Variants in HTT observed in about 807,000 individuals in gnomAD.
HTT encodes the protein huntingtin.
Under a neutral mutation model 362.3 loss-of-function variants are expected in HTT, and 104 were observed. The observed-to-expected ratio is 0.29, with a 90% CI of 0.24 to 0.34. The LOEUF (loss-of-function observed/expected upper bound fraction) is 0.34, where lower values mean the gene tolerates loss of function less well. HTT is among the 10% of genes least tolerant of loss of function. The pLI, the probability that HTT is intolerant of heterozygous loss-of-function variation, is 1.00. For synonymous variants in HTT, 1,577 were observed against 1,548.7 expected, an observed-to-expected ratio of 1.02 and a Z score of -0.43; for missense variants, 3,301 against 3,928.6, an observed-to-expected ratio of 0.84 and a Z score of 4.27.
intron 60 of HTT, among the ~76,000 whole-genome samples, chr4:3,232,447 C>T (rs1180616455): frequency 6.6e-6 from 1 of 152,182 alleles, no homozygotes; most frequent in Non-Finnish European, 1.5e-5. Context: ...TGTTAAAGAG[C>T]AGATTGAAAG....
Position 3,142,766 on chromosome 4 carries a change from A to G in HTT, c.2946A>G (p.Arg982=). 2 of 1,460,368 alleles carry G rather than the reference A, an allele frequency of 1.4e-6. No homozygotes were observed. The highest frequency in any genetic ancestry group is 1.9e-6 in the Non-Finnish European group (2 of 1,043,364). The allele number at this position is 1,460,368 out of a possible 1,614,324, so 90.5% of individuals were successfully genotyped here. The part of the protein sequence containing the change: ...PSHFSVSTIT[R]IYRGYNLLPS... Reference sequence around the variant, plus strand: ...TAAGTCTCTATATTTTTGTTATTAGAATATATAGAGGCTATAACCTACTAC... The same window carrying G: ...TAAGTCTCTATATTTTTGTTATTAGGATATATAGAGGCTATAACCTACTAC... The change falls in exon 23 of 67, where the codon AGA becomes AGG. Residue 982 remains arginine (R), a splice_region_variant and synonymous_variant. Coordinates refer to ENST00000355072, the MANE Select transcript of HTT (RefSeq NM_001388492.1).
intron 8 of HTT, among the ~76,000 whole-genome samples, 154 bp downstream of exon 8, chr4:3,116,417 T>C (rs1715031436): frequency 1.3e-5 from 2 of 152,196 alleles, no homozygotes; most frequent in African/African-American, 4.8e-5. Context: ...GACCTCTAGC[T>C]GTCTTCCCTC....
intron 21 of HTT, among the ~76,000 whole-genome samples, chr4:3,138,253 C>T (rs1347990500): frequency 2.0e-5 from 3 of 150,922 alleles, no homozygotes; most frequent in African/African-American, 7.4e-5. Flanking sequence ...TTTTAAATTT[C>T]AATGGTTTTT....
At chr4:3,092,945 G>A (rs1393179754) in intron 2 of HTT, among the ~76,000 whole-genome samples, 1 of 152,188 alleles carries the variant, frequency 6.6e-6, no homozygotes, top group Non-Finnish European at 1.5e-5. Flanking sequence ...GCCTGGTCAT[G>A]GCAAGAGGAA....
At position 3,086,983 on chromosome 4, in the gene HTT, G is replaced by T; in HGVS notation, c.308G>T (p.Cys103Phe). The T allele has an allele frequency of 6.2e-7, 1 of 1,608,672 alleles. No homozygotes were observed. Residue 103 changes from cysteine (C) to phenylalanine (F), a missense_variant, in exon 2 of 67, where the codon TGT becomes TTT. Physicochemically the swap from Cys to Phe is radical, Grantham distance 205. Around this residue, in one of 4 missense-constraint regions of HTT, gnomAD observed 2,316 missense variants for 2,658.5 expected, o/e 0.87. Transcript: ENST00000355072. ...SATKKDRVNH[C>F]LTICENIVAQ... ...ACCAAGAAAGACCGTGTGAATCATT[G>T]TCTGACAATATGTGAAAACATAGTG...
chr4:3,197,919 CA>C (rs1219944438), intron 40 of HTT, among the ~76,000 whole-genome samples: 14 of 152,220 alleles, frequency 9.2e-5, no homozygotes, highest in Admixed American at 9.2e-4. Flanking sequence ...CCTCTTCACT[CA>C]GGGGGCCCAT....
chr4:3,121,126 A>G (rs1715276742), intron 8 of HTT, 102 bp from the exon 9 acceptor site: 2 of 734,562 alleles, frequency 2.7e-6, no homozygotes, highest in Non-Finnish European at 4.6e-6. Context: ...AAGTTAAGGT[A>G]TAAACTTTGT....
At chr4:3,176,668 C>T (rs773482987) in intron 33 of HTT, among the ~76,000 whole-genome samples, 16 of 152,192 alleles carry the variant, frequency 1.1e-4, no homozygotes, top group African/African-American at 2.7e-4. Context: ...TTTCATCAAC[C>T]GGTCCCCTTT....
rs1720513552 is a variant in HTT at position 3,218,395 on chromosome 4, AGCCAAGGT to A, written c.7242+445_7242+452del. ...TGCCTGTAATCCCAGCACTTTGGGA[AGCCAAGGT>A]GGGCGGATCACTTGAGGTCAGGATT... is the stretch of plus-strand genomic sequence containing the variant. On this transcript the variant is annotated intron_variant, in intron 52 of 66. Coordinates refer to ENST00000355072, the MANE Select transcript of HTT (RefSeq NM_001388492.1). The surrounding 1 kb of genome is among the most constrained non-coding windows in gnomAD (Gnocchi z 4.4). Among the ~76,000 whole-genome samples, 2 of 152,214 alleles carry A rather than the reference AGCCAAGGT, an allele frequency of 1.3e-5. No individual in the cohort carries two copies. Among genetic ancestry groups the A allele is most frequent in the South Asian group, 4.2e-4 (2 of 4,808 alleles).
rs575341340 is a variant in HTT at position 3,207,179 on chromosome 4, C to T, written c.6076-102C>T. The T allele has an allele frequency of 8.1e-4, 924 of 1,143,976 alleles. 1 individual carries two copies. The highest frequency in any genetic ancestry group is 1.0e-3 in the Non-Finnish European group (812 of 774,172). 70.9% of individuals were successfully genotyped at this position (1,143,976 alleles called of 1,614,324 possible). ...TGTATTTTTTTCTAGTCTGCCCTTACTAGGATGAACTGTACACATCAGTTC... is the reference window on the plus strand; with the variant it reads ...TGTATTTTTTTCTAGTCTGCCCTTATTAGGATGAACTGTACACATCAGTTC... On this transcript the variant is annotated intron_variant, in intron 44 of 66. Transcript: ENST00000355072.
At position 3,229,029 on chromosome 4, in the gene HTT, C is replaced by T. The variant is rs1264538301; in HGVS notation, c.8109+20C>T. On this transcript the variant is annotated intron_variant, in intron 59 of 66. Transcript: ENST00000355072. The stretch of plus-strand genomic sequence containing the variant: ...AGATCCGTAAGTGAGCCTTCCCATT[C>T]CCCTCACACCTGCACGTGCCACACG... 1.9e-6 allele frequency: 3 copies of T among 1,605,860 alleles called. No individual in the cohort carries two copies. The highest frequency in any genetic ancestry group is 3.3e-4 in the Middle Eastern group (2 of 6,036).
Position 3,215,161 on chromosome 4 carries a change from C to T in HTT, c.7004C>T (p.Thr2335Ile). The change falls in exon 51 of 67, where the codon ACC becomes ATC. Residue 2335 changes from threonine to isoleucine, a missense_variant. Thr to Ile is a moderately conservative substitution (Grantham distance 89, BLOSUM62 -1). This residue lies in a region of HTT where 220 missense variants were observed against 218.5 expected (regional missense o/e 1.01). Coordinates refer to ENST00000355072, the MANE Select transcript of HTT (RefSeq NM_001388492.1). Reference sequence around the variant, plus strand: ...CTTAGTCCAGAAAGAAGGACAAATACCCCAAAAGCCATCAGCGAGGAGGAG... The same window carrying T: ...CTTAGTCCAGAAAGAAGGACAAATATCCCAAAAGCCATCAGCGAGGAGGAG... ...QLLSPERRTNTPKAISEEEEE... is the reference protein window; with the variant it reads ...QLLSPERRTNIPKAISEEEEE... 6.2e-7 allele frequency: 1 copy of T among 1,614,120 alleles called. No homozygotes were observed. The highest frequency in any genetic ancestry group is 8.5e-7 in the Non-Finnish European group (1 of 1,179,986).
At chr4:3,238,730 G>GGGGCCC in intron 65 of HTT, 88 bp from the exon 66 acceptor site, 7 of 1,097,036 alleles carry the variant, frequency 6.4e-6, no homozygotes, top group Non-Finnish European at 9.3e-6. Flanking sequence ...AATGCCTCTG[G>GGGGCCC]CCCCCACCCC....
intron 2 of HTT, among the ~76,000 whole-genome samples, chr4:3,094,609 C>T (rs1448995343): frequency 9.7e-4 from 133 of 136,966 alleles, no homozygotes; most frequent in Admixed American, 1.7e-3. Flanking sequence ...CCGGACGGGG[C>T]GGCTGGCCGG....
At chr4:3,100,268 A>G (rs1418393461) in intron 3 of HTT, among the ~76,000 whole-genome samples, 2 of 152,202 alleles carry the variant, frequency 1.3e-5, no homozygotes, top group Non-Finnish European at 2.9e-5. Context: ...ACTAATTGCC[A>G]CTACTGGATC....
chr4:3,145,311 C>CT, intron 24 of HTT, 83 bp downstream of exon 24: 3 of 968,774 alleles, frequency 3.1e-6, no homozygotes, highest in Non-Finnish European at 4.9e-6. Context: ...CTTTTTCTTT[C>CT]TTTTTAAGTC....
chr4:3,160,462 A>C, intron 29 of HTT, 70 bp downstream of exon 29: 2 of 1,069,190 alleles, frequency 1.9e-6, no homozygotes, highest in Non-Finnish European at 2.8e-6. Flanking sequence ...GGCTGAGTTC[A>C]TCTAGGATGG....
chr4:3,177,171 A>G (rs116328367), intron 33 of HTT, among the ~76,000 whole-genome samples, 161 bp from the exon 34 acceptor site: 220 of 152,346 alleles, frequency 1.4e-3, no homozygotes, highest in African/African-American at 4.5e-3. Context: ...GTGTTCTGCA[A>G]TTATCTAGGC....
At chr4:3,085,157 T>G (rs1713141760) in intron 1 of HTT, among the ~76,000 whole-genome samples, 1 of 151,906 alleles carries the variant, frequency 6.6e-6, no homozygotes, top group Non-Finnish European at 1.5e-5. Context: ...TTTTTTTTTT[T>G]GAGACAGTCT....
Sources: allele counts gnomAD v4.1 joint callset (sites outside exome capture counted in the v4.1 genomes callset), GRCh38; gene constraint gnomAD v4.1.1; regional missense constraint gnomAD v4.1.1; non-coding constraint Gnocchi (gnomAD v3.1); transcripts MANE v1.5; gene names NCBI Gene and HGNC (gene_info 2026-07-23, HGNC 2026-07-21).